Variants in NAGLU observed in about 807,000 individuals in gnomAD.
NAGLU encodes the protein alpha-N-acetylglucosaminidase.
Under a neutral mutation model 43.4 loss-of-function variants are expected in NAGLU, and 34 were observed. The observed-to-expected ratio is 0.78, with a 90% CI of 0.60 to 1.04. NAGLU has a LOEUF of 1.04. Among genes scored for constraint, NAGLU ranks in the 50% least tolerant of loss-of-function variants. NAGLU has a pLI of 0.00. For synonymous variants in NAGLU, 425 were observed against 437.6 expected, an observed-to-expected ratio of 0.97 and a Z score of 0.36; for missense variants, 910 against 993.7, an observed-to-expected ratio of 0.92 and a Z score of 1.13.
At chr17:42,538,211 C>T in intron 2 of NAGLU, 128 bp from the exon 3 acceptor site, 1 of 1,418,218 alleles carries the variant, frequency 7.1e-7, no homozygotes, top group Non-Finnish European at 1.0e-6. Flanking sequence ...TCCTTGATGG[C>T]AGCGTTCGGA....
chr17:42,543,894 G>C lies in NAGLU; in HGVS notation c.1888G>C (p.Val630Leu). The change falls in exon 6 of 6, where the codon GTC becomes CTC. Residue 630 changes from valine (V) to leucine (L), a missense_variant. Val to Leu is a conservative substitution (Grantham distance 32). Coordinates refer to ENST00000225927, the MANE Select transcript of NAGLU (RefSeq NM_000263.4). ...SWLEQARAAA[V>L]SEAEADFYEQ... The stretch of plus-strand genomic sequence containing the variant: ...GCTAGAGCAGGCCCGAGCAGCGGCA[G>C]TCAGTGAGGCCGAGGCCGATTTCTA... The C allele has an allele frequency of 1.2e-6, 2 of 1,605,716 alleles. No individual in the cohort carries two copies. Among genetic ancestry groups the C allele is most frequent in the Non-Finnish European group, 1.7e-6 (2 of 1,176,416 alleles).
intron 4 of NAGLU, 93 bp from the exon 5 acceptor site, chr17:42,540,857 C>A (rs1315975371): frequency 6.3e-6 from 10 of 1,577,604 alleles, no homozygotes; most frequent in Non-Finnish European, 8.7e-6. Context: ...CAAGAGAAAC[C>A]AGGAGCTGTA....
chr17:42,537,381 C>T lies in NAGLU; in HGVS notation c.384-17C>T. 3 of 1,614,018 alleles carry T rather than the reference C, an allele frequency of 1.9e-6. No homozygotes were observed. Among genetic ancestry groups the T allele is most frequent in the Non-Finnish European group, 2.5e-6 (3 of 1,179,914 alleles). ...CTCCAGGGTGGGATGCGCCCCTGCTCATGACACTGCCCGCAGGTACCGCTA... is the reference window on the plus strand; with the variant it reads ...CTCCAGGGTGGGATGCGCCCCTGCTTATGACACTGCCCGCAGGTACCGCTA... On this transcript the variant is annotated splice_polypyrimidine_tract_variant and intron_variant, in intron 1 of 5. Transcript: ENST00000225927.
At position 42,543,283 on chromosome 17, in the gene NAGLU, G is replaced by C. The variant is rs771151036; in HGVS notation, c.1277G>C (p.Gly426Ala). 1 of 1,613,878 alleles carries C rather than the reference G, an allele frequency of 6.2e-7. No homozygotes were observed. Among genetic ancestry groups the C allele is most frequent in the Non-Finnish European group, 8.5e-7 (1 of 1,180,050 alleles). The change falls in exon 6 of 6, where the codon GGC (glycine) becomes GCC (alanine). Residue 426 changes from glycine to alanine, a missense_variant. By Grantham distance (60) the Gly-to-Ala change is moderately conservative. Transcript: ENST00000225927. ...GGAGCCCTAGAGGCTGTGAACGGAG[G>C]CCCAGAAGCTGCCCGCCTCTTCCCC... ...LFGALEAVNG[G>A]PEAARLFPNS...
At position 42,537,561 on chromosome 17, in the gene NAGLU, C is replaced by G. The variant is rs371069569; in HGVS notation, c.531+16C>G. 6.2e-7 allele frequency: 1 copy of G among 1,612,784 alleles called. No individual in the cohort carries two copies. Among genetic ancestry groups the G allele is most frequent in the African/African-American group, 1.3e-5 (1 of 74,926 alleles). On this transcript the variant is annotated intron_variant, in intron 2 of 5. Transcript: ENST00000225927. Reference sequence around the variant, plus strand: ...CTGGCAGCGGGTGCGTGCCCACTGTCCCTTCCCCACCCTCCTCTATGGCGG... The same window carrying G: ...CTGGCAGCGGGTGCGTGCCCACTGTGCCTTCCCCACCCTCCTCTATGGCGG...
At chr17:42,541,378 G>GGTTGAGAGGTGAGCTCT in intron 5 of NAGLU, among the ~76,000 whole-genome samples, 172 bp downstream of exon 5, 2 of 152,300 alleles carry the variant, frequency 1.3e-5, no homozygotes, top group East Asian at 3.9e-4. Flanking sequence ...ATCCCACTGT[G>GGTTGAGAGGTGAGCTCT]GTTGAGAGGT....
Position 42,543,518 on chromosome 17 carries a change from C to T in NAGLU, c.1512C>T (p.Cys504=), listed in dbSNP as rs750897125. ...WRLLLRSVYN[C]SGEACRGHNR... is the part of the protein sequence containing the mutation. ...TACTGCTCCGGAGTGTGTACAACTG[C>T]TCCGGGGAGGCCTGCAGGGGCCACA... Residue 504 remains cysteine, a synonymous_variant, in exon 6 of 6, where the codon TGC becomes TGT. Coordinates refer to ENST00000225927, the MANE Select transcript of NAGLU (RefSeq NM_000263.4). 3 of 1,606,136 alleles carry T rather than the reference C, an allele frequency of 1.9e-6. No homozygotes were observed. Among genetic ancestry groups the T allele is most frequent in the Middle Eastern group, 3.3e-4 (2 of 6,050 alleles).
rs1341421909 is a variant in NAGLU, at chr17:42,544,033, G to T, written c.2027G>T (p.Arg676Leu). Residue 676 changes from arginine to leucine, a missense_variant, in exon 6 of 6, where the codon CGG becomes CTG. By Grantham distance (102) the Arg-to-Leu change is moderately radical (BLOSUM62 -2). Coordinates refer to ENST00000225927, the MANE Select transcript of NAGLU (RefSeq NM_000263.4). ...GCCAACTACTACACCCCTCGCTGGC[G>T]GCTTTTCCTGGAGGCGCTGGTTGAC... ...LVANYYTPRW[R>L]LFLEALVDSV... 10 of 1,612,120 alleles carry T rather than the reference G, an allele frequency of 6.2e-6. No homozygotes were observed. Among genetic ancestry groups the T allele is most frequent in the Non-Finnish European group, 8.5e-6 (10 of 1,179,272 alleles).
In NAGLU at chr17:42,543,505, G is replaced by T; in HGVS notation, c.1499G>T (p.Ser500Ile). Reference sequence around the variant, plus strand: ...GCAGCGTGGAGGCTACTGCTCCGGAGTGTGTACAACTGCTCCGGGGAGGCC... The same window carrying T: ...GCAGCGTGGAGGCTACTGCTCCGGATTGTGTACAACTGCTCCGGGGAGGCC... ...AGAAWRLLLR[S>I]VYNCSGEACR... Residue 500 changes from serine (S) to isoleucine (I), a missense_variant, in exon 6 of 6, where the codon AGT (serine) becomes ATT (isoleucine). Transcript: ENST00000225927. The T allele has an allele frequency of 6.2e-7, 1 of 1,604,762 alleles. No homozygotes were observed.
rs138695961 is a variant in NAGLU, at chr17:42,543,328, C to T, written c.1322C>T (p.Thr441Met). Residue 441 changes from threonine to methionine, a missense_variant, in exon 6 of 6, where the codon ACG (threonine) becomes ATG (methionine). By Grantham distance (81) the Thr-to-Met change is moderately conservative. Transcript: ENST00000225927. ...TTCCCCAACTCCACCATGGTAGGCA[C>T]GGGCATGGCCCCCGAGGGCATCAGC... ...RLFPNSTMVG[T>M]GMAPEGISQN... The T allele has an allele frequency of 1.4e-4, 218 of 1,613,318 alleles. No individual in the cohort carries two copies. Among genetic ancestry groups the T allele is most frequent in the East Asian group, 2.7e-4 (12 of 44,906 alleles).
intron 2 of NAGLU, 46 bp downstream of exon 2, chr17:42,537,591 C>T (rs2092910268): frequency 6.2e-7 from 1 of 1,607,344 alleles, no homozygotes; most frequent in East Asian, 2.2e-5. Flanking sequence ...TGGCGGGAGC[C>T]ACCGTAGGTG....
intron 1 of NAGLU, chr17:42,537,060 T>C: frequency 2.2e-6 from 1 of 460,152 alleles, no homozygotes. Flanking sequence ...CACACAGCTG[T>C]CCTCCCCTGC....
At position 42,543,452 on chromosome 17, in the gene NAGLU, G is replaced by A. The variant is rs115994665; in HGVS notation, c.1446G>A (p.Arg482=). The A allele has an allele frequency of 5.1e-4, 813 of 1,599,146 alleles. 3 individuals carry two copies. Among genetic ancestry groups the A allele is most frequent in the Middle Eastern group, 1.8e-3 (11 of 6,048 alleles). The part of the protein sequence containing the change: ...AAWVTSFAAR[R]YGVSHPDAGA... ...GGGTGACCAGCTTTGCCGCCCGGCG[G>A]TATGGGGTCTCCCACCCGGACGCAG... The change falls in exon 6 of 6, where the codon CGG becomes CGA. Residue 482 remains arginine (R), a synonymous_variant. Transcript: ENST00000225927.
In NAGLU at chr17:42,537,473, G is replaced by A. The variant is rs746876753; in HGVS notation, c.459G>A (p.Glu153=). The A allele has an allele frequency of 3.7e-6, 6 of 1,614,258 alleles. No homozygotes were observed. Among genetic ancestry groups the A allele is most frequent in the South Asian group, 3.3e-5 (3 of 91,090 alleles). ...GGGACTGGGCCCGCTGGGAGCGAGA[G>A]ATAGACTGGATGGCGCTGAATGGCA... The part of the protein sequence containing the change: ...VWWDWARWER[E]IDWMALNGIN... The change falls in exon 2 of 6, where the codon GAG becomes GAA. Residue 153 remains glutamate, a synonymous_variant. Transcript: ENST00000225927.
chr17:42,540,424 C>T (rs556085791), intron 4 of NAGLU, among the ~76,000 whole-genome samples: 9 of 149,652 alleles, frequency 6.0e-5, no homozygotes, highest in African/African-American at 1.5e-4. Context: ...AAGCTGGGTG[C>T]GGTGGCCCAC....
In NAGLU at chr17:42,538,774, C is replaced by A. The variant is rs77738617; in HGVS notation, c.764+19C>A. 6.2e-7 allele frequency: 1 copy of A among 1,611,650 alleles called. No individual in the cohort carries two copies. Among genetic ancestry groups the A allele is most frequent in the Middle Eastern group, 1.6e-4 (1 of 6,062 alleles). On this transcript the variant is annotated intron_variant, in intron 4 of 5. Coordinates refer to ENST00000225927, the MANE Select transcript of NAGLU (RefSeq NM_000263.4). The stretch of plus-strand genomic sequence containing the variant: ...TCACCAGGTGAGGTTCCGCTCACCC[C>A]CTCCACTTAGCTCAGAGAGGGAATT...
intron 1 of NAGLU, 126 bp downstream of exon 1, chr17:42,536,781 G>A (rs1256946126): frequency 7.5e-7 from 1 of 1,338,862 alleles, no homozygotes. Flanking sequence ...GCCTCCAGCA[G>A]CTGTGTGGCC....
At chr17:42,537,147 G>T in intron 1 of NAGLU, 1 of 534,578 alleles carries the variant, frequency 1.9e-6, no homozygotes, top group East Asian at 3.5e-5. Flanking sequence ...TGGCAGTGTG[G>T]CATGAAAGTG....
In NAGLU at chr17:42,537,395, C is replaced by T. The variant is rs1216280532; in HGVS notation, c.384-3C>T. The T allele has an allele frequency of 1.2e-6, 2 of 1,614,156 alleles. No individual in the cohort carries two copies. The highest frequency in any genetic ancestry group is 2.2e-5 in the South Asian group (2 of 91,086). Reference sequence around the variant, plus strand: ...GCGCCCCTGCTCATGACACTGCCCGCAGGTACCGCTATTACCAGAATGTGT... The same window carrying T: ...GCGCCCCTGCTCATGACACTGCCCGTAGGTACCGCTATTACCAGAATGTGT... On this transcript the variant is annotated splice_polypyrimidine_tract_variant and splice_region_variant and intron_variant, in intron 1 of 5. Coordinates refer to ENST00000225927, the MANE Select transcript of NAGLU (RefSeq NM_000263.4).
Sources: allele counts gnomAD v4.1 joint callset (sites outside exome capture counted in the v4.1 genomes callset), GRCh38; gene constraint gnomAD v4.1.1; transcripts MANE v1.5; gene names NCBI Gene and HGNC (gene_info 2026-07-23, HGNC 2026-07-21).